The following KIF3C variants were observed in gnomAD, a reference collection of about 807,000 sequenced individuals.
KIF3C encodes kinesin family member 3C.
In KIF3C, 12 loss-of-function variants were observed where a neutral mutation model predicts 67.7. The observed-to-expected ratio is 0.18, with a 90% CI of 0.11 to 0.29. The LOEUF (loss-of-function observed/expected upper bound fraction) is 0.29. Ranked by LOEUF, KIF3C falls within the 10% of genes least tolerant of loss-of-function variation. The probability of loss-of-function intolerance (pLI) is 1.00; values close to 1 mark genes in which losing one functional copy is unlikely to be tolerated. For missense variants in KIF3C, 789 were observed against 1,059.6 expected (o/e 0.74, Z 3.55); for synonymous variants, 393 against 426.2 (o/e 0.92, Z 0.96).
intron 5 of KIF3C, among the ~76,000 whole-genome samples, chr2:25,937,968 T>C (rs551511124): frequency 4.6e-4 from 70 of 151,800 alleles, no homozygotes; most frequent in Non-Finnish European, 3.4e-4. Flanking sequence ...GGTGAGAGAA[T>C]CACTTCAACC....
intron 1 of KIF3C, among the ~76,000 whole-genome samples, chr2:25,962,646 G>T (rs1663977330): frequency 6.8e-6 from 1 of 146,322 alleles, no homozygotes. Flanking sequence ...CAAAGTGCTG[G>T]GATTACAGGC....
At chr2:25,941,558 A>G (rs985393471) in intron 5 of KIF3C, among the ~76,000 whole-genome samples, 97 of 147,286 alleles carry the variant, frequency 6.6e-4, no homozygotes, top group Non-Finnish European at 7.7e-4. Context: ...TCTCTATTTA[A>G]AAAAAAAAAA....
intron 1 of KIF3C, among the ~76,000 whole-genome samples, chr2:25,972,601 C>CA (rs1249129192): frequency 6.6e-6 from 1 of 152,202 alleles, no homozygotes; most frequent in Non-Finnish European, 1.5e-5. Flanking sequence ...CACAGCCCCA[C>CA]AAATCTCAGA....
intron 5 of KIF3C, 72 bp from the exon 6 acceptor site, chr2:25,930,135 A>T (rs1431270235): frequency 8.1e-7 from 1 of 1,228,242 alleles, no homozygotes; most frequent in Non-Finnish European, 1.2e-6. Flanking sequence ...TGAGGACCTA[A>T]ATATCATTCA....
At position 25,982,467 on chromosome 2, in the gene KIF3C, C is replaced by T. The variant is rs1664652280; in HGVS notation, c.-550G>A. ...GCTGCCTCTGCCTCCGCCTTCCCCGCCGCCGCCACTGGAGAATGAGAGAGA... is the reference window on the plus strand; with the variant it reads ...GCTGCCTCTGCCTCCGCCTTCCCCGTCGCCGCCACTGGAGAATGAGAGAGA... On this transcript the variant is annotated 5_prime_UTR_variant, in exon 1 of 8. Transcript: ENST00000264712. The T allele has an allele frequency of 2.5e-6, 1 of 398,720 alleles. No homozygotes were observed. Among genetic ancestry groups the T allele is most frequent in the Non-Finnish European group, 4.4e-6 (1 of 226,142 alleles). 24.7% of individuals were successfully genotyped at this position (398,720 alleles called of 1,614,324 possible). A position where few individuals can be genotyped will look rare whatever the true frequency, so the allele number is the denominator to read the frequency against.
At chr2:25,963,475 G>A (rs1271523802) in intron 1 of KIF3C, among the ~76,000 whole-genome samples, 4 of 150,274 alleles carry the variant, frequency 2.7e-5, no homozygotes, top group Admixed American at 6.7e-5. Flanking sequence ...TCACAGGTGT[G>A]AGCCACCACT....
chr2:25,979,392 C>T (rs1438112302), intron 1 of KIF3C, among the ~76,000 whole-genome samples: 2 of 152,038 alleles, frequency 1.3e-5, no homozygotes, highest in Non-Finnish European at 2.9e-5. Context: ...GATGAGGCCT[C>T]GGGGCAGGGG....
At chr2:25,949,456 C>T (rs1205227530) in intron 5 of KIF3C, among the ~76,000 whole-genome samples, 1 of 151,856 alleles carries the variant, frequency 6.6e-6, no homozygotes, top group East Asian at 1.9e-4. Flanking sequence ...GGGAGGAGGA[C>T]CACATGAGCC....
intron 5 of KIF3C, among the ~76,000 whole-genome samples, chr2:25,950,395 T>G (rs1345442047): frequency 6.6e-6 from 1 of 151,668 alleles, no homozygotes; most frequent in African/African-American, 2.4e-5. Flanking sequence ...TTTTTTTTTG[T>G]ATTTTTAGTA....
rs1663559404 is a variant in KIF3C at position 25,950,201 on chromosome 2, A to G, written c.2006+1588T>C. ...AGGCATGAGCCACCATGCCCAGCAG[A>G]AAGACCTTTTCTTTTCTTTTCTTTT... On this transcript the variant is annotated intron_variant, in intron 5 of 7. Transcript: ENST00000264712. Among the ~76,000 whole-genome samples, 6 of 150,128 alleles carry G rather than the reference A, an allele frequency of 4.0e-5. No individual in the cohort carries two copies. In the South Asian group the frequency reaches 1.3e-3, roughly 32 times the overall value.
rs1158383913 is a variant in KIF3C, at chr2:25,962,990, TATATATA to T, written c.1546-6553_1546-6547del. Reference sequence around the variant, plus strand: ...ATAATATATAATATATAATATATAATATATATAATATATAATATATAATATATATAAT... The same window carrying T: ...ATAATATATAATATATAATATATAATATATATAATATATAATATATATAAT... On this transcript the variant is annotated intron_variant, in intron 1 of 7. Coordinates refer to ENST00000264712, the MANE Select transcript of KIF3C (RefSeq NM_002254.8). Among the ~76,000 whole-genome samples the T allele has an allele frequency of 2.1e-3, 78 of 36,386 alleles. 4 individuals are homozygous for T. Among genetic ancestry groups the T allele is most frequent in the Middle Eastern group, 0.014 (1 of 72 alleles). 23.9% of individuals were successfully genotyped at this position (36,386 alleles called of 152,430 possible).
At chr2:25,977,141 CCT>C (rs770742842) in intron 1 of KIF3C, among the ~76,000 whole-genome samples, 19 of 152,052 alleles carry the variant, frequency 1.2e-4, no homozygotes, top group East Asian at 3.9e-4. Context: ...CCGAACATCC[CCT>C]GAGGCCCACA....
chr2:25,960,543 C>T (rs1663918229), intron 1 of KIF3C, among the ~76,000 whole-genome samples: 2 of 152,148 alleles, frequency 1.3e-5, no homozygotes, highest in Admixed American at 1.3e-4. Context: ...TCATATCTTA[C>T]TCGTATCTCA....
At chr2:25,938,836 T>C (rs1663209924) in intron 5 of KIF3C, among the ~76,000 whole-genome samples, 1 of 152,140 alleles carries the variant, frequency 6.6e-6, no homozygotes, top group African/African-American at 2.4e-5. Flanking sequence ...GCAGTACATC[T>C]GACGCGTTCT....
At position 25,928,458 on chromosome 2, in the gene KIF3C, G is replaced by A. The variant is rs1048945047; in HGVS notation, c.*520C>T. On this transcript the variant is annotated 3_prime_UTR_variant, in exon 8 of 8. Coordinates refer to ENST00000264712, the MANE Select transcript of KIF3C (RefSeq NM_002254.8). ...GGCTCAGAAAGTGGAGAGTGGGGCTGTGTCCACGGGGAGCAGATGCCCAAC... is the reference window on the plus strand; with the variant it reads ...GGCTCAGAAAGTGGAGAGTGGGGCTATGTCCACGGGGAGCAGATGCCCAAC... The A allele has an allele frequency of 6.5e-6, 1 of 153,080 alleles. No homozygotes were observed. The highest frequency in any genetic ancestry group is 2.4e-5 in the African/African-American group (1 of 41,446). 9.5% of individuals were successfully genotyped at this position (153,080 alleles called of 1,614,324 possible).
chr2:25,943,018 C>A (rs1663336836), intron 5 of KIF3C, among the ~76,000 whole-genome samples: 1 of 152,142 alleles, frequency 6.6e-6, no homozygotes, highest in Admixed American at 6.6e-5. Flanking sequence ...TTCTTACAAA[C>A]AATGTTTTTT....
chr2:25,971,870 G>GA, intron 1 of KIF3C, among the ~76,000 whole-genome samples: 1 of 63,940 alleles, frequency 1.6e-5, no homozygotes. Context: ...ACCATGCCTA[G>GA]CTTTTTTTTT....
At chr2:25,973,023 T>C (rs1664319972) in intron 1 of KIF3C, among the ~76,000 whole-genome samples, 1 of 152,218 alleles carries the variant, frequency 6.6e-6, no homozygotes, top group South Asian at 2.1e-4. Flanking sequence ...ACATTAAAAT[T>C]TAAATCTTCT....
chr2:25,970,666 T>TC (rs1664256823), intron 1 of KIF3C, among the ~76,000 whole-genome samples: 1 of 39,440 alleles, frequency 2.5e-5, no homozygotes, highest in Non-Finnish European at 4.7e-5. Flanking sequence ...AAACTTTGTC[T>TC]CAAAAAAAAA....
Sources: allele counts gnomAD v4.1 joint callset (sites outside exome capture counted in the v4.1 genomes callset), GRCh38; gene constraint gnomAD v4.1.1; transcripts MANE v1.5; gene names NCBI Gene and HGNC (gene_info 2026-07-23, HGNC 2026-07-21).